Variants in TAB2 observed in about 807,000 individuals in gnomAD.
TAB2 encodes TGF-beta activated kinase 1 (MAP3K7) binding protein 2.
TAB2 carries 3 observed loss-of-function variants against 65.0 expected under a neutral mutation model. That is an observed-to-expected ratio of 0.05 (90% confidence interval 0.02 to 0.12). TAB2 has a LOEUF of 0.12. Ranked by LOEUF, TAB2 falls within the 10% of genes least tolerant of loss-of-function variation. The pLI is 1.00. For synonymous variants in TAB2, 298 were observed against 285.1 expected (o/e 1.05, Z -0.46); for missense variants, 623 against 840.3 (o/e 0.74, Z 3.20).
chr6:149,356,382 T>A (rs1298961313), intron 1 of TAB2, among the ~76,000 whole-genome samples: 1 of 152,216 alleles, frequency 6.6e-6, no homozygotes, highest in African/African-American at 2.4e-5. Context: ...AATAAGATGA[T>A]AATCTTAGTT....
Position 149,409,558 on chromosome 6 carries a change from A to C in TAB2, c.1940-19A>C. Reference sequence around the variant, plus strand: ...TTTGTGATTTTTTACTTATAAAATAATTTTTTTCTTTCTTACAGATCAAAG... The same window carrying C: ...TTTGTGATTTTTTACTTATAAAATACTTTTTTTCTTTCTTACAGATCAAAG... On this transcript the variant is annotated intron_variant, in intron 6 of 6. Transcript: ENST00000637181. 6.2e-7 allele frequency: 1 copy of C among 1,609,036 alleles called. No individual in the cohort carries two copies. The highest frequency in any genetic ancestry group is 8.5e-7 in the Non-Finnish European group (1 of 1,176,138).
At chr6:149,264,377 C>T (rs1179327597) in intron 1 of TAB2, among the ~76,000 whole-genome samples, 1 of 152,180 alleles carries the variant, frequency 6.6e-6, no homozygotes, top group African/African-American at 2.4e-5. Context: ...ATACTTGGGA[C>T]CAGTAGCAAG....
At chr6:149,358,144 T>C (rs540291974) in intron 1 of TAB2, among the ~76,000 whole-genome samples, 76 of 152,334 alleles carry the variant, frequency 5.0e-4, no homozygotes, top group African/African-American at 1.4e-3. Flanking sequence ...GAGTATCCCT[T>C]ATTAGAAATG....
chr6:149,218,883 G>A, intron 1 of TAB2: 1 of 424,980 alleles, frequency 2.4e-6, no homozygotes, highest in East Asian at 7.2e-5. Flanking sequence ...CACACTGTGA[G>A]TAAAGAAAGG....
intron 3 of TAB2, among the ~76,000 whole-genome samples, chr6:149,395,021 G>T (rs745947496): frequency 1.4e-4 from 21 of 152,246 alleles, no homozygotes; most frequent in Non-Finnish European, 2.8e-4. Flanking sequence ...TTGGCCCATG[G>T]GCCATAGTTT....
intron 1 of TAB2, among the ~76,000 whole-genome samples, chr6:149,353,146 G>A (rs1780545952): frequency 1.3e-5 from 2 of 152,010 alleles, no homozygotes. Context: ...GCATGTGTAG[G>A]CCCTACATCC....
intron 1 of TAB2, among the ~76,000 whole-genome samples, chr6:149,256,028 A>G (rs1226646935): frequency 6.6e-6 from 1 of 152,226 alleles, no homozygotes; most frequent in Non-Finnish European, 1.5e-5. Flanking sequence ...CCCTGCTAGC[A>G]GGGAAGAGTT....
At chr6:149,383,287 G>A (rs970406674) in intron 3 of TAB2, among the ~76,000 whole-genome samples, 1 of 152,212 alleles carries the variant, frequency 6.6e-6, no homozygotes, top group Non-Finnish European at 1.5e-5. Context: ...AGAGAAGTCT[G>A]TGGTTTGAGA....
intron 6 of TAB2, among the ~76,000 whole-genome samples, chr6:149,403,331 C>CAG (rs1562456585): frequency 3.0e-5 from 1 of 33,744 alleles, no homozygotes; most frequent in Non-Finnish European, 6.0e-5. Flanking sequence ...CATATATATA[C>CAG]ATATATATAC....
At chr6:149,401,484 A>G (rs1414944149) in intron 6 of TAB2, among the ~76,000 whole-genome samples, 2 of 152,122 alleles carry the variant, frequency 1.3e-5, no homozygotes, top group East Asian at 3.8e-4. Context: ...TAATGGTAAA[A>G]GGATCAATTC....
intron 1 of TAB2, among the ~76,000 whole-genome samples, chr6:149,262,173 A>G (rs1274723592): frequency 2.0e-5 from 3 of 152,238 alleles, no homozygotes; most frequent in Non-Finnish European, 1.5e-5. Flanking sequence ...GAGGCTCTCA[A>G]TGATAGCCAC....
intron 1 of TAB2, among the ~76,000 whole-genome samples, chr6:149,219,769 T>C (rs2114618932): frequency 6.6e-6 from 1 of 152,330 alleles, no homozygotes; most frequent in African/African-American, 2.4e-5. Flanking sequence ...GATTCTTTCA[T>C]TACTTTTGAT....
At chr6:149,313,347 A>G (rs1170130770), upstream of TAB2, among the ~76,000 whole-genome samples, 6 of 151,860 alleles carry the variant, frequency 4.0e-5, no homozygotes, top group Non-Finnish European at 7.4e-5. Context: ...GGCCTTCCCG[A>G]AACTCCATCT....
intron 1 of TAB2, among the ~76,000 whole-genome samples, chr6:149,259,479 C>G (rs561064730): frequency 2.6e-5 from 4 of 152,276 alleles, no homozygotes; most frequent in East Asian, 1.9e-4. Flanking sequence ...TTTGTCCCAA[C>G]TCTTCTGTCA....
At chr6:149,348,034 T>G (rs1780360665) in intron 1 of TAB2, among the ~76,000 whole-genome samples, 1 of 152,200 alleles carries the variant, frequency 6.6e-6, no homozygotes, top group South Asian at 2.1e-4. Flanking sequence ...AGGTACTGTT[T>G]AAGAGTAATT....
chr6:149,390,584 A>G (rs1434501987), intron 3 of TAB2, among the ~76,000 whole-genome samples: 5 of 152,134 alleles, frequency 3.3e-5, no homozygotes, highest in Non-Finnish European at 7.4e-5. Flanking sequence ...TAACGAAGAA[A>G]TTTTCTCCAT....
chr6:149,220,281 T>C (rs1383682028), intron 1 of TAB2, among the ~76,000 whole-genome samples: 1 of 152,228 alleles, frequency 6.6e-6, no homozygotes, highest in Non-Finnish European at 1.5e-5. Context: ...CCTTCTTTAA[T>C]GCCATTCAAA....
In TAB2 at chr6:149,378,143, T is replaced by A; in HGVS notation, c.228T>A (p.Thr76=). 6.2e-7 allele frequency: 1 copy of A among 1,614,230 alleles called. No homozygotes were observed. The highest frequency in any genetic ancestry group is 1.1e-5 in the South Asian group (1 of 91,090). The part of the protein sequence containing the change: ...SGISGLRNHM[T]SLNLDLQSQN... Reference sequence around the variant, plus strand: ...TTTCTGGTCTACGCAATCACATGACTTCTCTCAACTTGGACTTGCAATCAC... The same window carrying A: ...TTTCTGGTCTACGCAATCACATGACATCTCTCAACTTGGACTTGCAATCAC... The change falls in exon 3 of 7, where the codon ACT becomes ACA. Residue 76 remains threonine (T), a synonymous_variant. Transcript: ENST00000637181.
intron 1 of TAB2, among the ~76,000 whole-genome samples, chr6:149,223,889 C>G (rs907772110): frequency 6.6e-6 from 1 of 152,076 alleles, no homozygotes; most frequent in African/African-American, 2.4e-5. Context: ...ACACACCTCC[C>G]CCTTTAGGAA....
Sources: gnomAD v4.1 joint callset for allele counts (sites outside exome capture counted in the v4.1 genomes callset) on GRCh38, gnomAD v4.1.1 for gene constraint, MANE v1.5 for transcripts, NCBI Gene and HGNC (gene_info 2026-07-23, HGNC 2026-07-21) for gene names.